Variants in SLC25A21 observed in about 807,000 individuals in gnomAD.
SLC25A21 encodes solute carrier family 25 member 21.
In SLC25A21, 47 loss-of-function variants were observed where a neutral mutation model predicts 43.8. That is an observed-to-expected ratio of 1.07 (90% CI 0.85 to 1.37). The LOEUF (loss-of-function observed/expected upper bound fraction) is 1.37, where lower values mean the gene tolerates loss of function less well. SLC25A21 is among the 40% of genes most tolerant of loss of function. SLC25A21 has a pLI of 0.00. For missense variants in SLC25A21, 352 were observed against 350.2 expected, an observed-to-expected ratio of 1.00 and a Z score of -0.04; for synonymous variants, 131 against 121.3, an observed-to-expected ratio of 1.08 and a Z score of -0.52.
At chr14:37,133,464 C>G (rs1239958796) in intron 1 of SLC25A21, among the ~76,000 whole-genome samples, 1 of 151,974 alleles carries the variant, frequency 6.6e-6, no homozygotes, top group African/African-American at 2.4e-5. Flanking sequence ...CCTTCTCTTT[C>G]CCACTGCCAC....
chr14:37,021,933 C>T (rs999530507), intron 1 of SLC25A21, among the ~76,000 whole-genome samples: 2 of 151,810 alleles, frequency 1.3e-5, no homozygotes, highest in African/African-American at 4.8e-5. Context: ...GTACTAATGC[C>T]TCCTTGGAGA....
intron 1 of SLC25A21, among the ~76,000 whole-genome samples, chr14:37,078,886 G>A (rs921066478): frequency 6.7e-6 from 1 of 150,044 alleles, no homozygotes; most frequent in African/African-American, 2.5e-5. Context: ...GTTTGCATTC[G>A]AGAATCAATT....
intron 3 of SLC25A21, among the ~76,000 whole-genome samples, chr14:36,776,018 T>G (rs1273206281): frequency 6.6e-6 from 1 of 152,080 alleles, no homozygotes; most frequent in South Asian, 2.1e-4. Context: ...CTTTCACTGC[T>G]TTGGTTCAAT....
At chr14:36,709,569 C>T (rs898380946) in intron 7 of SLC25A21, among the ~76,000 whole-genome samples, 1 of 151,966 alleles carries the variant, frequency 6.6e-6, no homozygotes, top group Non-Finnish European at 1.5e-5. Context: ...GGATTTCAGA[C>T]CAAAAAAACA....
chr14:36,787,587 T>C (rs938950033), intron 3 of SLC25A21, among the ~76,000 whole-genome samples: 1 of 152,226 alleles, frequency 6.6e-6, no homozygotes, highest in African/African-American at 2.4e-5. Flanking sequence ...CAGCCCATTT[T>C]ATATTAAACA....
chr14:36,990,200 A>G (rs1251214010), intron 1 of SLC25A21, among the ~76,000 whole-genome samples: 1 of 152,178 alleles, frequency 6.6e-6, no homozygotes, highest in African/African-American at 2.4e-5. Context: ...GTGGTCATAA[A>G]CAGTCTAAGC....
chr14:36,815,552 C>T (rs978964626), intron 2 of SLC25A21, among the ~76,000 whole-genome samples: 14 of 152,116 alleles, frequency 9.2e-5, no homozygotes, highest in Non-Finnish European at 1.8e-4. Context: ...GCATAGTGCC[C>T]TGCATATAAT....
intron 1 of SLC25A21, among the ~76,000 whole-genome samples, chr14:37,064,822 A>G (rs887343148): frequency 1.3e-5 from 2 of 151,964 alleles, no homozygotes; most frequent in Non-Finnish European, 1.5e-5. Flanking sequence ...CAGACACTGT[A>G]GTAAGCACTA....
chr14:36,956,464 A>G (rs1675116018), intron 1 of SLC25A21, among the ~76,000 whole-genome samples: 2 of 152,238 alleles, frequency 1.3e-5, no homozygotes, highest in Admixed American at 1.3e-4. Context: ...TGTATACCAA[A>G]TAACATCAGG....
chr14:36,975,573 AG>A (rs1331829848), intron 1 of SLC25A21, among the ~76,000 whole-genome samples: 1 of 152,248 alleles, frequency 6.6e-6, no homozygotes, highest in East Asian at 1.9e-4. Flanking sequence ...CATACATTAA[AG>A]TTTTATAAAT....
At chr14:37,001,018 AT>A in intron 1 of SLC25A21, among the ~76,000 whole-genome samples, 1 of 152,216 alleles carries the variant, frequency 6.6e-6, no homozygotes, top group African/African-American at 2.4e-5. Flanking sequence ...CGACCACCCT[AT>A]TTAGAATAGC....
chr14:36,731,899 T>C (rs1395863866), intron 4 of SLC25A21, among the ~76,000 whole-genome samples: 9 of 152,152 alleles, frequency 5.9e-5, no homozygotes, highest in Admixed American at 5.9e-4. Context: ...CCCTGGGCTC[T>C]GCCTCAGTTT....
In SLC25A21 at chr14:36,708,923, A is replaced by AAGTGTAT. The variant is rs552117209; in HGVS notation, c.603+2388_603+2394dup. ...AACAATTGAGAACATTTAATAACTT[A>AAGTGTAT]AGTGTATTGATTAATTGTAGAATAA... is the stretch of plus-strand genomic sequence containing the variant. On this transcript the variant is annotated intron_variant, in intron 7 of 9. Transcript: ENST00000331299. Among the ~76,000 whole-genome samples, 1,049 of 151,638 alleles carry AAGTGTAT rather than the reference A, an allele frequency of 6.9e-3. 8 individuals are homozygous for AAGTGTAT. Among genetic ancestry groups the AAGTGTAT allele is most frequent in the African/African-American group, 0.023 (967 of 41,280 alleles).
At chr14:36,813,070 G>A (rs570174048) in intron 3 of SLC25A21, among the ~76,000 whole-genome samples, 1 of 152,092 alleles carries the variant, frequency 6.6e-6, no homozygotes, top group African/African-American at 2.4e-5. Flanking sequence ...ATACTGGATA[G>A]TTAAAAAAAT....
intron 1 of SLC25A21, among the ~76,000 whole-genome samples, chr14:37,019,234 A>C (rs1253478703): frequency 6.6e-6 from 1 of 151,886 alleles, no homozygotes; most frequent in Non-Finnish European, 1.5e-5. Context: ...GCCTCTTCTC[A>C]GTTGCTCAGA....
chr14:37,153,496 T>C (rs954307640), intron 1 of SLC25A21, among the ~76,000 whole-genome samples: 4 of 152,170 alleles, frequency 2.6e-5, no homozygotes, highest in Non-Finnish European at 4.4e-5. Flanking sequence ...TGGTTGCGAG[T>C]TGGGTGGGTG....
chr14:36,775,434 T>C (rs1298645236), intron 3 of SLC25A21, among the ~76,000 whole-genome samples: 1 of 151,990 alleles, frequency 6.6e-6, no homozygotes, highest in Non-Finnish European at 1.5e-5. Flanking sequence ...AATTGACAAA[T>C]AGTTAAGGGC....
chr14:36,763,088 T>C (rs1213403131), intron 3 of SLC25A21, among the ~76,000 whole-genome samples: 1 of 152,198 alleles, frequency 6.6e-6, no homozygotes, highest in Admixed American at 6.5e-5. Context: ...GATTAGGTCT[T>C]GGAATTTCAA....
chr14:37,007,369 G>A (rs1213686793), intron 1 of SLC25A21, among the ~76,000 whole-genome samples: 1 of 152,166 alleles, frequency 6.6e-6, no homozygotes, highest in African/African-American at 2.4e-5. Context: ...TTGGGAGGCT[G>A]AGGCAGTCAG....
Sources: gnomAD v4.1 joint callset for allele counts (sites outside exome capture counted in the v4.1 genomes callset) on GRCh38, gnomAD v4.1.1 for gene constraint, MANE v1.5 for transcripts, NCBI Gene and HGNC (gene_info 2026-07-23, HGNC 2026-07-21) for gene names.